The following RPL35 variants were observed in gnomAD, a reference collection of about 807,000 sequenced individuals.
RPL35 encodes ribosomal protein L35.
Under a neutral mutation model 15.6 loss-of-function variants are expected in RPL35, and 2 were observed. That is an observed-to-expected ratio of 0.13 (90% CI 0.05 to 0.40). The LOEUF is 0.40. Among genes scored for constraint, RPL35 ranks in the 10% least tolerant of loss-of-function variants. The probability of loss-of-function intolerance (pLI) is 0.99; values close to 1 mark genes in which losing one functional copy is unlikely to be tolerated. For synonymous variants in RPL35, 93 were observed against 67.9 expected (o/e 1.37, Z -1.82); for missense variants, 111 against 164.7 (o/e 0.67, Z 1.79).
intron 2 of RPL35, among the ~76,000 whole-genome samples, 174 bp from the exon 3 acceptor site, chr9:124,860,438 G>C (rs572129150): frequency 8.1e-4 from 124 of 152,328 alleles, no homozygotes; most frequent in Middle Eastern, 3.4e-3. Context: ...GGGCATGGGA[G>C]AGACAGCAGA....
At chr9:124,859,833 C>G (rs1829168543) in intron 3 of RPL35, among the ~76,000 whole-genome samples, 1 of 152,102 alleles carries the variant, frequency 6.6e-6, no homozygotes, top group Non-Finnish European at 1.5e-5. Flanking sequence ...ATGGCAGGTG[C>G]CTGGCAGGGA....
At chr9:124,861,713 G>T in intron 1 of RPL35, 158 bp from the exon 2 acceptor site, 2 of 1,344,722 alleles carry the variant, frequency 1.5e-6, no homozygotes, top group Non-Finnish European at 1.0e-6. Context: ...CCGTGCCTTG[G>T]GCAGAGTAAC....
rs773138632 is a variant in RPL35, at chr9:124,861,918, C to A, written c.-6G>T. On this transcript the variant is annotated 5_prime_UTR_variant, in exon 1 of 4. Coordinates refer to ENST00000348462, the MANE Select transcript of RPL35 (RefSeq NM_007209.4). ...GATTCCGCAGCTCTCACCATTGCTGCACAAGCCGCCAACGCCGCCGCCCGC... is the reference window on the plus strand; with the variant it reads ...GATTCCGCAGCTCTCACCATTGCTGAACAAGCCGCCAACGCCGCCGCCCGC... 3 of 1,596,820 alleles carry A rather than the reference C, an allele frequency of 1.9e-6. No homozygotes were observed. Among genetic ancestry groups the A allele is most frequent in the African/African-American group, 2.7e-5 (2 of 74,080 alleles).
At chr9:124,859,330 T>A (rs1301098942) in intron 3 of RPL35, among the ~76,000 whole-genome samples, 1 of 152,244 alleles carries the variant, frequency 6.6e-6, no homozygotes, top group East Asian at 1.9e-4. Context: ...TTGTGTCAAA[T>A]CTTCAAGTTA....
intron 1 of RPL35, 26 bp downstream of exon 1, chr9:124,861,884 A>G (rs1476405667): frequency 6.2e-7 from 1 of 1,602,616 alleles, no homozygotes; most frequent in Admixed American, 1.7e-5. Context: ...CAGCGCTCGG[A>G]TGGCGCCCGA....
At chr9:124,861,603 C>T in intron 1 of RPL35, 48 bp from the exon 2 acceptor site, 8 of 1,596,426 alleles carry the variant, frequency 5.0e-6, no homozygotes, top group Non-Finnish European at 6.8e-6. Context: ...GGGCCATATC[C>T]CCTTCACCTG....
chr9:124,861,861 C>A, intron 1 of RPL35, 49 bp downstream of exon 1: 2 of 1,599,022 alleles, frequency 1.3e-6, no homozygotes, highest in Non-Finnish European at 1.7e-6. Flanking sequence ...CCTTCCCCAA[C>A]CCCCGCGCCT....
At chr9:124,861,668 C>T in intron 1 of RPL35, 113 bp from the exon 2 acceptor site, 1 of 1,481,884 alleles carries the variant, frequency 6.7e-7, no homozygotes, top group Non-Finnish European at 9.2e-7. Flanking sequence ...TGCGCCGGAG[C>T]CCCAACCAGG....
intron 1 of RPL35, 54 bp downstream of exon 1, chr9:124,861,856 C>T (rs949799627): frequency 1.9e-6 from 3 of 1,597,544 alleles, no homozygotes; most frequent in Non-Finnish European, 2.6e-6. Flanking sequence ...CACCGCCTTC[C>T]CCAACCCCCG....
chr9:124,860,183 C>T lies in RPL35; in HGVS notation c.222G>A (p.Lys74=), dbSNP rs1490958341. 1 of 1,612,108 alleles carries T rather than the reference C, an allele frequency of 6.2e-7. No homozygotes were observed. Among genetic ancestry groups the T allele is most frequent in the South Asian group, 1.1e-5 (1 of 91,040 alleles). The stretch of plus-strand genomic sequence containing the variant: ...CCTCCCTATGTCCAGGCAGACTCAC[C>T]TTGTAGAATTTCCTGAGGTTTTCTT... ...TQKENLRKFY[K]GKKYKPLDLR... is the part of the protein sequence containing the mutation. Residue 74 remains lysine (K), a splice_region_variant and synonymous_variant, in exon 3 of 4, where the codon AAG becomes AAA. Coordinates refer to ENST00000348462, the MANE Select transcript of RPL35 (RefSeq NM_007209.4).
At chr9:124,860,557 C>G (rs1407026309) in intron 2 of RPL35, among the ~76,000 whole-genome samples, 1 of 152,208 alleles carries the variant, frequency 6.6e-6, no homozygotes, top group African/African-American at 2.4e-5. Flanking sequence ...ATGCCAATTT[C>G]AATGAGCTGA....
chr9:124,858,346 T>C, intron 3 of RPL35: 1 of 631,806 alleles, frequency 1.6e-6, no homozygotes, highest in Middle Eastern at 3.9e-4. Flanking sequence ...GTCAAGTGAC[T>C]CCCAACTCAG....
At position 124,857,964 on chromosome 9, in the gene RPL35, C is replaced by T. The variant is rs28620639; in HGVS notation, c.326G>A (p.Arg109Gln). 4.0e-5 allele frequency: 65 copies of T among 1,612,270 alleles called. No individual in the cohort carries two copies. Among genetic ancestry groups the T allele is most frequent in the African/African-American group, 9.3e-5 (7 of 75,008 alleles). The stretch of plus-strand genomic sequence containing the variant: ...CCGCAGCGGGTACAGCCGCTCCTTC[C>T]GCTGCTGCTTCTTGGTCTTCAGGTT... ...EENLKTKKQQ[R>Q]KERLYPLRKY... The change falls in exon 4 of 4, where the codon CGG becomes CAG. Residue 109 changes from arginine (R) to glutamine (Q), a missense_variant. Coordinates refer to ENST00000348462, the MANE Select transcript of RPL35 (RefSeq NM_007209.4).
At chr9:124,859,136 G>A (rs959582217) in intron 3 of RPL35, among the ~76,000 whole-genome samples, 2 of 152,200 alleles carry the variant, frequency 1.3e-5, no homozygotes, top group African/African-American at 4.8e-5. Flanking sequence ...CCACACACGT[G>A]CTAGTGTCCC....
At position 124,860,412 on chromosome 9, in the gene RPL35, TGAG is replaced by T. The variant is rs1339478925; in HGVS notation, c.141-151_141-149del. On this transcript the variant is annotated intron_variant, in intron 2 of 3. Coordinates refer to ENST00000348462, the MANE Select transcript of RPL35 (RefSeq NM_007209.4). The stretch of plus-strand genomic sequence containing the variant: ...AGGAAGGCGTTCTGGGAGTGAGGTC[TGAG>T]GAGGGAAGAGAGGGGCATGGGAGAG... The T allele has an allele frequency of 8.5e-6, 6 of 702,038 alleles. No individual in the cohort carries two copies. The African/African-American group carries it at 8.7e-5, about 10-fold the overall frequency. 43.5% of individuals were successfully genotyped at this position (702,038 alleles called of 1,614,324 possible). A position where few individuals can be genotyped will look rare whatever the true frequency, so the allele number is the denominator to read the frequency against.
intron 3 of RPL35, among the ~76,000 whole-genome samples, chr9:124,858,792 A>T (rs1003259699): frequency 1.3e-5 from 2 of 152,194 alleles, no homozygotes; most frequent in African/African-American, 4.8e-5. Flanking sequence ...CTGGCTTGGC[A>T]AAGGATCTGA....
chr9:124,858,920 G>A (rs1829153960), intron 3 of RPL35, among the ~76,000 whole-genome samples: 1 of 152,180 alleles, frequency 6.6e-6, no homozygotes, highest in Non-Finnish European at 1.5e-5. Context: ...GTGGGCAGAG[G>A]ACTGCAGAAA....
At chr9:124,861,649 GACT>G in intron 1 of RPL35, 94 bp from the exon 2 acceptor site, 1 of 1,522,816 alleles carries the variant, frequency 6.6e-7, no homozygotes, top group Non-Finnish European at 8.9e-7. Flanking sequence ...ACTCGCCATC[GACT>G]ACGAGTGCGC....
At chr9:124,858,265 A>C in intron 3 of RPL35, 198 bp from the exon 4 acceptor site, 2 of 622,694 alleles carry the variant, frequency 3.2e-6, no homozygotes, top group East Asian at 2.8e-5. Flanking sequence ...ATTTCATGTA[A>C]GTCTGCTGAC....
Sources: allele counts gnomAD v4.1 joint callset (sites outside exome capture counted in the v4.1 genomes callset), GRCh38; gene constraint gnomAD v4.1.1; transcripts MANE v1.5; gene names NCBI Gene and HGNC (gene_info 2026-07-23, HGNC 2026-07-21).